The following KANSL1 variants were observed in gnomAD, a reference collection of about 807,000 sequenced individuals.
The protein encoded by KANSL1 is KAT8 regulatory NSL complex subunit 1.
In KANSL1, 22 loss-of-function variants were observed where a neutral mutation model predicts 103.6. That is an observed-to-expected ratio of 0.21 (90% CI 0.15 to 0.30). The LOEUF (loss-of-function observed/expected upper bound fraction) is 0.30, where lower values mean the gene tolerates loss of function less well. Ranked by LOEUF, KANSL1 falls within the 10% of genes least tolerant of loss-of-function variation. KANSL1 has a pLI of 1.00. For synonymous variants in KANSL1, 600 were observed against 527.6 expected (o/e 1.14, Z -1.88); for missense variants, 1,337 against 1,399.8 (o/e 0.96, Z 0.72).
chr17:46,052,963 CCAAAAAAAAAAAAAAAAAAA>C (rs1410854158), intron 6 of KANSL1, among the ~76,000 whole-genome samples: 1,893 of 43,102 alleles, frequency 0.044, 100 homozygotes, highest in African/African-American at 0.15. Context: ...GATCCTGTCT[CCAAAAAAAAAAAAAAAAAAA>C]AAAAAAAAAA....
At chr17:46,155,919 T>C (rs2045401261) in intron 2 of KANSL1, among the ~76,000 whole-genome samples, 1 of 152,020 alleles carries the variant, frequency 6.6e-6, no homozygotes, top group Non-Finnish European at 1.5e-5. Context: ...GGTGATAGAG[T>C]GAAACCCTAT....
intron 6 of KANSL1, among the ~76,000 whole-genome samples, chr17:46,052,384 C>A: frequency 6.6e-6 from 1 of 151,990 alleles, no homozygotes; most frequent in East Asian, 1.9e-4. Flanking sequence ...GCGGGTGGAT[C>A]ACTTGAGGTC....
rs2046325363 is a variant in KANSL1, at chr17:46,172,236, G to C, written c.-89-4C>G. 1.7e-6 allele frequency: 2 copies of C among 1,178,770 alleles called. No individual in the cohort carries two copies. Among genetic ancestry groups the C allele is most frequent in the African/African-American group, 1.7e-5 (1 of 60,538 alleles). 73.0% of individuals were successfully genotyped at this position (1,178,770 alleles called of 1,614,324 possible). Reference sequence around the variant, plus strand: ...TACTGCCTCCCCAGAGAACAGACTAGAAGAGAAAGGAGAAAAGAATATTAG... The same window carrying C: ...TACTGCCTCCCCAGAGAACAGACTACAAGAGAAAGGAGAAAAGAATATTAG... On this transcript the variant is annotated splice_polypyrimidine_tract_variant and splice_region_variant and intron_variant, in intron 1 of 14. Transcript: ENST00000432791.
Position 46,030,677 on chromosome 17 carries a change from T to A in KANSL1, c.*799A>T, listed in dbSNP as rs1331608292. 1 of 151,636 alleles carries A rather than the reference T, an allele frequency of 6.6e-6. No homozygotes were observed. The highest frequency in any genetic ancestry group is 1.5e-5 in the Non-Finnish European group (1 of 68,018). 9.4% of individuals were successfully genotyped at this position (151,636 alleles called of 1,614,324 possible). On this transcript the variant is annotated 3_prime_UTR_variant, in exon 15 of 15. Transcript: ENST00000432791. ...GGGAGTGGGAATAGAGGTTAAGTAG[T>A]CCTAACCCTACCTTCAAAGATCAGG...
chr17:46,149,560 G>C (rs1246650290), intron 2 of KANSL1, among the ~76,000 whole-genome samples: 2 of 152,266 alleles, frequency 1.3e-5, no homozygotes, highest in Non-Finnish European at 2.9e-5. Flanking sequence ...TCAAGTGAAT[G>C]AGTATGACTG....
At chr17:46,176,691 T>TAAAAA (rs56676109) in intron 1 of KANSL1, among the ~76,000 whole-genome samples, 45 of 141,688 alleles carry the variant, frequency 3.2e-4, no homozygotes, top group African/African-American at 1.2e-3. Context: ...GACTCCATCT[T>TAAAAA]AAAAAAAAAA....
intron 2 of KANSL1, among the ~76,000 whole-genome samples, chr17:46,149,389 C>T (rs1056776164): frequency 4.6e-5 from 7 of 152,356 alleles, no homozygotes; most frequent in African/African-American, 1.4e-4. Flanking sequence ...ACCAGAACAA[C>T]AATGAACAGG....
At position 46,104,639 on chromosome 17, in the gene KANSL1, C is replaced by T. The variant is rs1391229096; in HGVS notation, c.1290-9938G>A. Among the ~76,000 whole-genome samples the T allele has an allele frequency of 2.0e-5, 3 of 152,266 alleles. No individual in the cohort carries two copies. In the South Asian group the frequency reaches 6.2e-4, roughly 32 times the overall value. ...AGAGAGTTTTAGCTGATGCCTTATC[C>T]TGTTTAATTCTCAAATGTTTATATT... On this transcript the variant is annotated intron_variant, in intron 2 of 14. Coordinates refer to ENST00000432791, the MANE Select transcript of KANSL1 (RefSeq NM_015443.4).
intron 1 of KANSL1, among the ~76,000 whole-genome samples, chr17:46,186,768 G>A (rs745686425): frequency 5.3e-5 from 8 of 152,050 alleles, no homozygotes; most frequent in Non-Finnish European, 8.8e-5. Context: ...TCTCTCTGTC[G>A]CCCAGGCTGG....
rs1424009511 is a variant in KANSL1, at chr17:46,181,054, T to C, written c.-89-8822A>G. Among the ~76,000 whole-genome samples, 5 of 152,256 alleles carry C rather than the reference T, an allele frequency of 3.3e-5. No homozygotes were observed. In the South Asian group the frequency reaches 6.2e-4, roughly 19 times the overall value. On this transcript the variant is annotated intron_variant, in intron 1 of 14. Transcript: ENST00000432791. ...AAAAAAGCTACCACAATAATCCAGATAGGATGCAATGAGAACTTCAACCAG... is the reference window on the plus strand; with the variant it reads ...AAAAAAGCTACCACAATAATCCAGACAGGATGCAATGAGAACTTCAACCAG...
intron 6 of KANSL1, among the ~76,000 whole-genome samples, chr17:46,053,579 C>A (rs1379280677): frequency 6.6e-6 from 1 of 151,870 alleles, no homozygotes; most frequent in Admixed American, 6.6e-5. Context: ...CTACAGGCGC[C>A]CACCACCACA....
intron 2 of KANSL1, among the ~76,000 whole-genome samples, chr17:46,141,846 T>C (rs1256273752): frequency 2.6e-5 from 4 of 152,228 alleles, no homozygotes; most frequent in South Asian, 2.1e-4. Context: ...CCTTGTATTA[T>C]GAAACAAAAA....
chr17:46,042,616 A>G (rs1245083159), intron 7 of KANSL1: 1 of 152,180 alleles, frequency 6.6e-6, no homozygotes. Flanking sequence ...TTCTCAAATT[A>G]CTCCCAAGAA....
intron 2 of KANSL1, among the ~76,000 whole-genome samples, chr17:46,154,098 G>A (rs1053277903): frequency 3.3e-5 from 5 of 152,176 alleles, no homozygotes; most frequent in African/African-American, 9.7e-5. Context: ...AGGATAAAAC[G>A]ATGTCTAGTT....
At chr17:46,187,218 TC>T (rs1306377835) in intron 1 of KANSL1, among the ~76,000 whole-genome samples, 19 of 152,232 alleles carry the variant, frequency 1.2e-4, no homozygotes, top group Non-Finnish European at 2.2e-4. Flanking sequence ...TGGTTTAACA[TC>T]CTAACAACAA....
chr17:46,136,270 T>C (rs770668732), intron 2 of KANSL1, among the ~76,000 whole-genome samples: 6 of 152,252 alleles, frequency 3.9e-5, no homozygotes, highest in African/African-American at 1.4e-4. Context: ...ATCTAGGGTA[T>C]ATAGGTTGAT....
In KANSL1 at chr17:46,105,467, A is replaced by G. The variant is rs150553808; in HGVS notation, c.1290-10766T>C. On this transcript the variant is annotated intron_variant, in intron 2 of 14. Transcript: ENST00000432791. ...CCCCGTCTCTACTAAAAATACGAAA[A>G]TTAGTAGGGAATGTGGTGGGTGCCT... Among the ~76,000 whole-genome samples, 5 of 147,286 alleles carry G rather than the reference A, an allele frequency of 3.4e-5. 1 individual carries two copies. The East Asian group carries it at 9.7e-4, about 29-fold the overall frequency.
intron 2 of KANSL1, among the ~76,000 whole-genome samples, chr17:46,111,700 A>T (rs2042814228): frequency 6.6e-6 from 1 of 152,232 alleles, no homozygotes; most frequent in East Asian, 1.9e-4. Context: ...CAATTCTCAG[A>T]AGAAAGAACA....
In KANSL1 at chr17:46,039,105, G is replaced by A; in HGVS notation, c.2314C>T (p.Leu772Phe). 6.2e-7 allele frequency: 1 copy of A among 1,612,526 alleles called. No individual in the cohort carries two copies. Among genetic ancestry groups the A allele is most frequent in the Non-Finnish European group, 8.5e-7 (1 of 1,179,790 alleles). The change falls in exon 9 of 15, where the codon CTC becomes TTC. Residue 772 changes from leucine (L) to phenylalanine (F), a missense_variant. Physicochemically the swap from Leu to Phe is conservative, Grantham distance 22. This residue lies in a region of KANSL1 where 780 missense variants were observed against 923.4 expected (regional missense o/e 0.84). Coordinates refer to ENST00000432791, the MANE Select transcript of KANSL1 (RefSeq NM_015443.4). ...TCATGCACGGGTGGTGGTGGGTTGA[G>A]CAAGCGCTCTGCTTTTGGCGCTGTC... ...RVTAPKAERL[L>F]NPPPPVHDPN...
Sources: gnomAD v4.1 joint callset for allele counts (sites outside exome capture counted in the v4.1 genomes callset) on GRCh38, gnomAD v4.1.1 for gene constraint, gnomAD v4.1.1 regional missense constraint, MANE v1.5 for transcripts, NCBI Gene and HGNC (gene_info 2026-07-23, HGNC 2026-07-21) for gene names.